TIMMDC1: variants seen among roughly 807,000 people sequenced by gnomAD.
The protein encoded by TIMMDC1 is complex I assembly factor TIMMDC1, mitochondrial.
Under a neutral mutation model 32.6 loss-of-function variants are expected in TIMMDC1, and 25 were observed. The observed-to-expected ratio is 0.77, with a 90% CI of 0.56 to 1.07. The LOEUF (loss-of-function observed/expected upper bound fraction) is 1.07. Among genes scored for constraint, TIMMDC1 ranks in the 50% least tolerant of loss-of-function variants. TIMMDC1 has a pLI of 0.00. For missense variants in TIMMDC1, 329 were observed against 349.2 expected (o/e 0.94, Z 0.46); for synonymous variants, 130 against 127.6 (o/e 1.02, Z -0.13).
At chr3:119,510,201 A>G (rs2081944458) in intron 4 of TIMMDC1, among the ~76,000 whole-genome samples, 1 of 152,178 alleles carries the variant, frequency 6.6e-6, no homozygotes, top group Admixed American at 6.5e-5. Flanking sequence ...AAATATATAA[A>G]TAGCCTTTTT....
chr3:119,508,100 C>A (rs570376517), intron 4 of TIMMDC1, among the ~76,000 whole-genome samples: 4 of 152,154 alleles, frequency 2.6e-5, no homozygotes, highest in African/African-American at 9.7e-5. Flanking sequence ...AATGTTCTGG[C>A]ATATTTCAAA....
intron 3 of TIMMDC1, 79 bp downstream of exon 3, chr3:119,503,699 A>G: frequency 1.7e-6 from 2 of 1,148,120 alleles, no homozygotes; most frequent in South Asian, 3.0e-5. Context: ...AGGTGGGGTT[A>G]TGAAAACTGA....
intron 5 of TIMMDC1, 80 bp from the exon 6 acceptor site, chr3:119,517,125 C>T (rs2081989168): frequency 1.2e-6 from 1 of 818,750 alleles, no homozygotes; most frequent in Non-Finnish European, 2.1e-6. Context: ...TGGTGTTGCT[C>T]ACACCTTAGC....
intron 4 of TIMMDC1, among the ~76,000 whole-genome samples, chr3:119,509,035 G>A (rs1297687427): frequency 2.6e-5 from 4 of 152,018 alleles, no homozygotes; most frequent in Non-Finnish European, 5.9e-5. Context: ...GTGAAACCTC[G>A]CCTCCACTAA....
intron 3 of TIMMDC1, 79 bp from the exon 4 acceptor site, chr3:119,503,875 G>C (rs1036175947): frequency 1.6e-5 from 20 of 1,254,342 alleles, no homozygotes; most frequent in Non-Finnish European, 2.3e-5. Context: ...AATCTATTAA[G>C]TCAGTGAAAA....
chr3:119,499,969 A>G (rs1392109199), intron 1 of TIMMDC1, among the ~76,000 whole-genome samples: 1 of 152,126 alleles, frequency 6.6e-6, no homozygotes, highest in African/African-American at 2.4e-5. Flanking sequence ...TAGAGCCAGG[A>G]TCTTTGCTAT....
rs1411878417 is a variant in TIMMDC1, at chr3:119,524,754, T to C, written c.*998T>C. 1 of 152,214 alleles carries C rather than the reference T, an allele frequency of 6.6e-6. No individual in the cohort carries two copies. The highest frequency in any genetic ancestry group is 1.5e-5 in the Non-Finnish European group (1 of 68,048). The allele number at this position is 152,214 out of a possible 1,614,324, so 9.4% of individuals were successfully genotyped here. On this transcript the variant is annotated 3_prime_UTR_variant, in exon 7 of 7. Transcript: ENST00000494664. ...AAGGCAGTTTTAGAGAAAGGAGTCATGAGTAACATGAACAGCAGTTGGCTA... is the reference window on the plus strand; with the variant it reads ...AAGGCAGTTTTAGAGAAAGGAGTCACGAGTAACATGAACAGCAGTTGGCTA...
intron 5 of TIMMDC1, among the ~76,000 whole-genome samples, chr3:119,516,109 A>G (rs2081984108): frequency 6.6e-6 from 1 of 152,254 alleles, no homozygotes; most frequent in Non-Finnish European, 1.5e-5. Flanking sequence ...GGTAATAAAC[A>G]CATAGCATAA....
intron 5 of TIMMDC1, among the ~76,000 whole-genome samples, chr3:119,514,382 AC>A (rs1277608633): frequency 1.1e-4 from 16 of 152,190 alleles, no homozygotes; most frequent in African/African-American, 3.6e-4. Context: ...ATGATACTTC[AC>A]CCCCATATAT....
At chr3:119,501,330 G>A (rs1371936329) in intron 2 of TIMMDC1, among the ~76,000 whole-genome samples, 1 of 152,144 alleles carries the variant, frequency 6.6e-6, no homozygotes, top group African/African-American at 2.4e-5. Flanking sequence ...TGAAATTATA[G>A]CAGGCTTGAA....
rs71156752 is a variant in TIMMDC1 at position 119,522,804 on chromosome 3, T to TTGTGTGTGTGTGTG, written c.708-783_708-770dup. On this transcript the variant is annotated intron_variant, in intron 6 of 6. Coordinates refer to ENST00000494664, the MANE Select transcript of TIMMDC1 (RefSeq NM_016589.4). ...GTATAGCATATACACGTATGGGTGTTTGTGTGTGTGTGTGTGTGTGTGTGT... is the reference window on the plus strand; with the variant it reads ...GTATAGCATATACACGTATGGGTGTTTGTGTGTGTGTGTGTGTGTGTGTGTGTGTGTGTGTGTGT... 2.2e-4 allele frequency among the ~76,000 whole-genome samples: 33 copies of TTGTGTGTGTGTGTG among 148,758 alleles called. No individual in the cohort carries two copies. The South Asian group carries it at 5.1e-3, about 23-fold the overall frequency.
intron 6 of TIMMDC1, among the ~76,000 whole-genome samples, chr3:119,521,402 A>C (rs1226310025): frequency 6.6e-6 from 1 of 152,158 alleles, no homozygotes; most frequent in Non-Finnish European, 1.5e-5. Flanking sequence ...TAAAAATACA[A>C]AAATTGTCAT....
Position 119,513,669 on chromosome 3 carries a change from C to G in TIMMDC1, c.546C>G (p.Asn182Lys). 1 of 1,612,014 alleles carries G rather than the reference C, an allele frequency of 6.2e-7. No individual in the cohort carries two copies. Among genetic ancestry groups the G allele is most frequent in the Non-Finnish European group, 8.5e-7 (1 of 1,179,146 alleles). ...GAVTGSLFRI[N>K]VGLRGLVAGG... is the part of the protein sequence containing the mutation. ...TCACGGGAAGTCTTTTTAGGATAAACGTAGGCCTGCGTGGCCTGGTGGCTG... is the reference window on the plus strand; with the variant it reads ...TCACGGGAAGTCTTTTTAGGATAAAGGTAGGCCTGCGTGGCCTGGTGGCTG... The change falls in exon 5 of 7, where the codon AAC (asparagine) becomes AAG (lysine). Residue 182 changes from asparagine to lysine, a missense_variant. Physicochemically the swap from Asn to Lys is moderately conservative, Grantham distance 94. Transcript: ENST00000494664.
At chr3:119,522,784 G>C (rs1412098171) in intron 6 of TIMMDC1, among the ~76,000 whole-genome samples, 4 of 150,196 alleles carry the variant, frequency 2.7e-5, no homozygotes, top group Non-Finnish European at 5.9e-5. Flanking sequence ...AAATTGTATA[G>C]CATATACACG....
At chr3:119,515,622 G>A (rs2081981035) in intron 5 of TIMMDC1, among the ~76,000 whole-genome samples, 1 of 152,178 alleles carries the variant, frequency 6.6e-6, no homozygotes, top group South Asian at 2.1e-4. Context: ...TTAGAATTCT[G>A]CCTACCACAC....
Position 119,500,740 on chromosome 3 carries a change from G to A in TIMMDC1, c.240G>A (p.Thr80=), listed in dbSNP as rs373872498. ...ISKDLANICK[T]AATAGIIGWV... is the part of the protein sequence containing the mutation. Reference sequence around the variant, plus strand: ...AGGACCTTGCTAATATCTGTAAGACGGCAGCTACAGCAGGCATCATTGGCT... The same window carrying A: ...AGGACCTTGCTAATATCTGTAAGACAGCAGCTACAGCAGGCATCATTGGCT... Residue 80 remains threonine (T), a synonymous_variant, in exon 2 of 7, where the codon ACG becomes ACA. Coordinates refer to ENST00000494664, the MANE Select transcript of TIMMDC1 (RefSeq NM_016589.4). 52 of 1,613,908 alleles carry A rather than the reference G, an allele frequency of 3.2e-5. No homozygotes were observed. Among genetic ancestry groups the A allele is most frequent in the Admixed American group, 8.3e-5 (5 of 59,982 alleles).
chr3:119,504,864 CAG>C (rs750650896), intron 4 of TIMMDC1, among the ~76,000 whole-genome samples: 70 of 152,044 alleles, frequency 4.6e-4, no homozygotes, highest in Non-Finnish European at 8.4e-4. Flanking sequence ...GGTGGATCAT[CAG>C]AGGTGATTTG....
At position 119,523,795 on chromosome 3, in the gene TIMMDC1, G is replaced by A. The variant is rs753620557; in HGVS notation, c.*39G>A. Reference sequence around the variant, plus strand: ...TTGAAACTCACTGGAGAGCTGAAGGGAGCTGCCATGTCCGATGAATGCCAA... The same window carrying A: ...TTGAAACTCACTGGAGAGCTGAAGGAAGCTGCCATGTCCGATGAATGCCAA... On this transcript the variant is annotated 3_prime_UTR_variant, in exon 7 of 7. Coordinates refer to ENST00000494664, the MANE Select transcript of TIMMDC1 (RefSeq NM_016589.4). 3.9e-6 allele frequency: 6 copies of A among 1,520,142 alleles called. No homozygotes were observed. Among genetic ancestry groups the A allele is most frequent in the Non-Finnish European group, 5.3e-6 (6 of 1,134,268 alleles). 94.2% of individuals were successfully genotyped at this position (1,520,142 alleles called of 1,614,324 possible).
At chr3:119,508,739 C>G (rs2081934446) in intron 4 of TIMMDC1, among the ~76,000 whole-genome samples, 1 of 152,204 alleles carries the variant, frequency 6.6e-6, no homozygotes, top group African/African-American at 2.4e-5. Flanking sequence ...GGGATCTTGC[C>G]TTGCTCTCCC....
Sources: gnomAD v4.1 joint callset for allele counts (sites outside exome capture counted in the v4.1 genomes callset) on GRCh38, gnomAD v4.1.1 for gene constraint, MANE v1.5 for transcripts, NCBI Gene and HGNC (gene_info 2026-07-23, HGNC 2026-07-21) for gene names.